Variants in CNTNAP2 observed in about 807,000 individuals in gnomAD.
The protein encoded by CNTNAP2 is contactin associated protein 2.
In CNTNAP2, 98 loss-of-function variants were observed where a neutral mutation model predicts 155.2. That is an observed-to-expected ratio of 0.63 (90% CI 0.54 to 0.75). The LOEUF is 0.75. Among genes scored for constraint, CNTNAP2 ranks in the 30% least tolerant of loss-of-function variants. The pLI is 0.00. For synonymous variants in CNTNAP2, 651 were observed against 631.2 expected (o/e 1.03, Z -0.47); for missense variants, 1,727 against 1,688.1 (o/e 1.02, Z -0.40).
In CNTNAP2 at chr7:146,733,256, A is replaced by C. The variant is rs139010016; in HGVS notation, c.98-41015A>C. On this transcript the variant is annotated intron_variant, in intron 1 of 23. Coordinates refer to ENST00000361727, the MANE Select transcript of CNTNAP2 (RefSeq NM_014141.6). ...TTAGTAATTTGAAACTGTGACAGCT[A>C]CAAACTTGACCAATGTCAAATTTAC... Among the ~76,000 whole-genome samples the C allele has an allele frequency of 2.0e-4, 30 of 152,268 alleles. No homozygotes were observed. The East Asian group carries it at 5.8e-3, about 29-fold the overall frequency.
chr7:147,085,508 A>G, intron 4 of CNTNAP2, among the ~76,000 whole-genome samples: 1 of 152,132 alleles, frequency 6.6e-6, no homozygotes, highest in East Asian at 1.9e-4. Context: ...ACTTCATCCC[A>G]AAACCCACCC....
chr7:146,269,128 T>C lies in CNTNAP2; in HGVS notation c.97+152155T>C, dbSNP rs543950463. Among the ~76,000 whole-genome samples the C allele has an allele frequency of 1.7e-4, 26 of 151,966 alleles. No homozygotes were observed. The South Asian group carries it at 5.4e-3, about 32-fold the overall frequency. On this transcript the variant is annotated intron_variant, in intron 1 of 23. Coordinates refer to ENST00000361727, the MANE Select transcript of CNTNAP2 (RefSeq NM_014141.6). The stretch of plus-strand genomic sequence containing the variant: ...AGGCTGAGGTGGGCAGGTCACGAGG[T>C]CAGGAGATCGAGACAATCCTGGCCA...
chr7:146,138,750 T>A (rs1168101311), intron 1 of CNTNAP2, among the ~76,000 whole-genome samples: 6 of 152,106 alleles, frequency 3.9e-5, no homozygotes. Flanking sequence ...ATAGTTGACA[T>A]TTCTTTATAA....
rs183129202 is a variant in CNTNAP2, at chr7:146,616,331, C to T, written c.98-157940C>T. Among the ~76,000 whole-genome samples the T allele has an allele frequency of 2.8e-3, 419 of 152,180 alleles. 3 individuals carry two copies. The highest frequency in any genetic ancestry group is 9.5e-3 in the African/African-American group (394 of 41,530). On this transcript the variant is annotated intron_variant, in intron 1 of 23. Transcript: ENST00000361727. The stretch of plus-strand genomic sequence containing the variant: ...AAATGAGCAACAGTAATGTCAAATA[C>T]TATAGCTCTTTGAAAGAGAGAGATG...
At position 146,307,035 on chromosome 7, in the gene CNTNAP2, C is replaced by G. The variant is rs371110100; in HGVS notation, c.97+190062C>G. 8.5e-5 allele frequency among the ~76,000 whole-genome samples: 13 copies of G among 152,148 alleles called. No individual in the cohort carries two copies. In the East Asian group the frequency reaches 1.2e-3, roughly 14 times the overall value. ...GTATTCATTTAGGAAAAGAGGAAGT[C>G]AAATTGTCCCTGTTTGCAGATGACA... On this transcript the variant is annotated intron_variant, in intron 1 of 23. Coordinates refer to ENST00000361727, the MANE Select transcript of CNTNAP2 (RefSeq NM_014141.6).
intron 1 of CNTNAP2, among the ~76,000 whole-genome samples, chr7:146,189,549 TGGA>T (rs1798672484): frequency 6.6e-6 from 1 of 152,132 alleles, no homozygotes; most frequent in African/African-American, 2.4e-5. Context: ...ACACAGAAGG[TGGA>T]ACAAAGTCTA....
intron 1 of CNTNAP2, among the ~76,000 whole-genome samples, chr7:146,155,173 T>C (rs1288202201): frequency 1.3e-5 from 2 of 152,244 alleles, no homozygotes; most frequent in African/African-American, 4.8e-5. Context: ...GGAATTTTAA[T>C]CTACTTGTAC....
chr7:146,481,168 T>TAA (rs1796955838), intron 1 of CNTNAP2, among the ~76,000 whole-genome samples: 1 of 152,214 alleles, frequency 6.6e-6, no homozygotes, highest in Non-Finnish European at 1.5e-5. Flanking sequence ...TAAATTGGTA[T>TAA]ATTGTAGCTC....
chr7:146,744,182 C>T (rs1049242141), intron 1 of CNTNAP2, among the ~76,000 whole-genome samples: 3 of 135,460 alleles, frequency 2.2e-5, no homozygotes, highest in Non-Finnish European at 4.5e-5. Context: ...GAACAGAGAT[C>T]GCACTATTGC....
intron 15 of CNTNAP2, among the ~76,000 whole-genome samples, chr7:147,980,707 G>C (rs1008872245): frequency 1.6e-4 from 24 of 151,180 alleles, no homozygotes; most frequent in Non-Finnish European, 2.9e-4. Context: ...GGCGGATCAC[G>C]AGGTCAGGAG....
intron 9 of CNTNAP2, among the ~76,000 whole-genome samples, chr7:147,390,062 T>A (rs2116441445): frequency 6.6e-6 from 1 of 152,320 alleles, no homozygotes; most frequent in East Asian, 1.9e-4. Context: ...CTAGTATTTT[T>A]ACTGAAATTT....
chr7:147,802,621 C>T (rs576732571), intron 13 of CNTNAP2, among the ~76,000 whole-genome samples: 4,620 of 151,940 alleles, frequency 0.03, 100 homozygotes, highest in Non-Finnish European at 0.044. Flanking sequence ...CAAAAAAGTA[C>T]GAAAACCAGT....
chr7:146,961,112 G>T (rs1402156238), intron 3 of CNTNAP2, among the ~76,000 whole-genome samples: 1 of 152,094 alleles, frequency 6.6e-6, no homozygotes, highest in Non-Finnish European at 1.5e-5. Flanking sequence ...GCTTTTCTCT[G>T]GCTCACAGGA....
chr7:146,467,469 T>C (rs1158702166), intron 1 of CNTNAP2, among the ~76,000 whole-genome samples: 1 of 152,162 alleles, frequency 6.6e-6, no homozygotes, highest in Non-Finnish European at 1.5e-5. Flanking sequence ...GGTTGTCATT[T>C]CAATTGATCA....
intron 21 of CNTNAP2, among the ~76,000 whole-genome samples, chr7:148,348,849 C>T (rs948555585): frequency 5.3e-5 from 8 of 152,204 alleles, no homozygotes; most frequent in African/African-American, 1.9e-4. Context: ...CTTTTCATTT[C>T]TTCTGACCTA....
chr7:147,195,384 G>A (rs1417266570), intron 8 of CNTNAP2, among the ~76,000 whole-genome samples: 1 of 152,102 alleles, frequency 6.6e-6, no homozygotes, highest in Non-Finnish European at 1.5e-5. Context: ...TTTTTGCTTA[G>A]GATTGTCTTG....
intron 12 of CNTNAP2, among the ~76,000 whole-genome samples, chr7:147,590,004 G>A (rs1800707619): frequency 6.6e-6 from 1 of 151,982 alleles, no homozygotes; most frequent in South Asian, 2.1e-4. Context: ...TGGTTTCTTT[G>A]GCAGCTACTG....
chr7:147,900,398 C>T (rs1267684366), intron 13 of CNTNAP2, among the ~76,000 whole-genome samples: 5 of 152,090 alleles, frequency 3.3e-5, no homozygotes, highest in African/African-American at 1.2e-4. Context: ...GGCACTTCCC[C>T]CTTCTTGCTT....
intron 3 of CNTNAP2, among the ~76,000 whole-genome samples, chr7:146,904,527 A>G (rs1156441652): frequency 6.6e-6 from 1 of 152,186 alleles, no homozygotes; most frequent in Non-Finnish European, 1.5e-5. Context: ...GCTGGAGCAC[A>G]GTGGCGCGAT....
Sources: allele counts gnomAD v4.1 joint callset (sites outside exome capture counted in the v4.1 genomes callset), GRCh38; gene constraint gnomAD v4.1.1; transcripts MANE v1.5; gene names NCBI Gene and HGNC (gene_info 2026-07-23, HGNC 2026-07-21).